Variants in PRKCH observed in about 807,000 individuals in gnomAD.
PRKCH encodes protein kinase C eta.
A neutral mutation model predicts 82.5 loss-of-function variants in PRKCH; 28 were observed. The ratio of observed to expected loss-of-function variants is 0.34; its 90% CI spans 0.25 to 0.47. The LOEUF (loss-of-function observed/expected upper bound fraction) is 0.47. Ranked by LOEUF, PRKCH falls within the 20% of genes least tolerant of loss-of-function variation. The pLI, the probability that PRKCH is intolerant of heterozygous loss-of-function variation, is 1.00. For synonymous variants in PRKCH, 322 were observed against 327.4 expected (o/e 0.98, Z 0.18); for missense variants, 705 against 881.8 (o/e 0.80, Z 2.54).
intron 2 of PRKCH, among the ~76,000 whole-genome samples, chr14:61,402,534 C>T (rs1350214205): frequency 2.6e-5 from 4 of 152,162 alleles, no homozygotes; most frequent in South Asian, 2.1e-4. Context: ...CAGTGGCTCA[C>T]GCCTGTAATC....
chr14:61,296,667 T>A (rs895395067), intron 1 of PRKCH, among the ~76,000 whole-genome samples: 1 of 152,188 alleles, frequency 6.6e-6, no homozygotes, highest in Non-Finnish European at 1.5e-5. Context: ...CTTGTAGACA[T>A]CAAGATAATA....
intron 12 of PRKCH, among the ~76,000 whole-genome samples, chr14:61,540,958 C>G (rs182771725): frequency 2.3e-4 from 35 of 152,356 alleles, no homozygotes; most frequent in African/African-American, 8.2e-4. Context: ...TGTTGTCTGT[C>G]CTTTCCACCC....
intron 2 of PRKCH, among the ~76,000 whole-genome samples, chr14:61,392,844 G>T (rs1235005640): frequency 7.5e-4 from 102 of 135,960 alleles, no homozygotes; most frequent in Middle Eastern, 4.0e-3. Context: ...TTCTTTTTTT[G>T]TTTTTTTTTT....
intron 1 of PRKCH, among the ~76,000 whole-genome samples, chr14:61,389,502 A>G (rs1051725164): frequency 6.6e-6 from 1 of 152,116 alleles, no homozygotes; most frequent in African/African-American, 2.4e-5. Context: ...ACTGGGCAAC[A>G]TAGTGAGACC....
At chr14:61,497,460 A>C (rs1240150397) in intron 10 of PRKCH, among the ~76,000 whole-genome samples, 2 of 152,324 alleles carry the variant, frequency 1.3e-5, no homozygotes, top group African/African-American at 4.8e-5. Context: ...TGGGAAAAGC[A>C]TCAAACACAT....
At chr14:61,428,786 A>G (rs573195327) in intron 2 of PRKCH, among the ~76,000 whole-genome samples, 1 of 152,340 alleles carries the variant, frequency 6.6e-6, no homozygotes, top group African/African-American at 2.4e-5. Flanking sequence ...CAATCACGGA[A>G]AGTATTCCCC....
At chr14:61,192,107 A>G in intron 1 of PRKCH, among the ~76,000 whole-genome samples, 1 of 152,032 alleles carries the variant, frequency 6.6e-6, no homozygotes, top group East Asian at 1.9e-4. Flanking sequence ...GTTAGGTGTT[A>G]CTCTGATGTG....
chr14:61,212,388 A>C (rs1273958924), intron 1 of PRKCH, among the ~76,000 whole-genome samples: 4 of 152,214 alleles, frequency 2.6e-5, no homozygotes, highest in Non-Finnish European at 5.9e-5. Context: ...TTGTCACTCT[A>C]AAAAACCTAC....
At chr14:61,193,817 G>T (rs145042168) in intron 1 of PRKCH, among the ~76,000 whole-genome samples, 57 of 152,320 alleles carry the variant, frequency 3.7e-4, no homozygotes, top group Admixed American at 3.7e-3. Context: ...GGGCCAGAAA[G>T]CTCGCCTGAT....
At chr14:61,451,251 AGGTGTTT>A in intron 6 of PRKCH, among the ~76,000 whole-genome samples, 1 of 152,302 alleles carries the variant, frequency 6.6e-6, no homozygotes, top group South Asian at 2.1e-4. Context: ...GTATTTTAAT[AGGTGTTT>A]GGAAGAGAAA....
chr14:61,444,778 A>G (rs1209057701), intron 3 of PRKCH, among the ~76,000 whole-genome samples: 1 of 152,182 alleles, frequency 6.6e-6, no homozygotes, highest in African/African-American at 2.4e-5. Flanking sequence ...TAGACACAAC[A>G]ATCTTATTTT....
intron 1 of PRKCH, among the ~76,000 whole-genome samples, chr14:61,232,907 A>G (rs2044756012): frequency 6.6e-6 from 1 of 152,216 alleles, no homozygotes; most frequent in South Asian, 2.1e-4. Context: ...TCATTAGCAC[A>G]GAAAAAGACA....
chr14:61,237,632 C>G (rs1254302649), intron 1 of PRKCH, among the ~76,000 whole-genome samples: 2 of 151,902 alleles, frequency 1.3e-5, no homozygotes, highest in African/African-American at 4.9e-5. Flanking sequence ...TAGATAAACT[C>G]TTTCAATCAA....
chr14:61,321,920 G>T lies in PRKCH; in HGVS notation c.-182G>T. ...CCTTTCCACCTCGGGAGGGAGGGAA[G>T]GAGGGGAGGGAAAAGTCCCACGGAG... On this transcript the variant is annotated 5_prime_UTR_variant, in exon 1 of 14. It adds an upstream start codon to the 5' untranslated region. Coordinates refer to ENST00000332981, the MANE Select transcript of PRKCH (RefSeq NM_006255.5). The surrounding 1 kb of genome is among the most constrained non-coding windows in gnomAD (Gnocchi z 4.1). 1.7e-6 allele frequency: 1 copy of T among 589,644 alleles called. No homozygotes were observed. Among genetic ancestry groups the T allele is most frequent in the Non-Finnish European group, 2.9e-6 (1 of 346,928 alleles). The allele number at this position is 589,644 out of a possible 1,614,324, so 36.5% of individuals were successfully genotyped here.
chr14:61,299,673 A>C (rs1032091325), intron 1 of PRKCH: 3 of 152,204 alleles, frequency 2.0e-5, no homozygotes, highest in Admixed American at 2.0e-4. Flanking sequence ...TCCTTGTCTC[A>C]AAACCTTGCA....
At chr14:61,188,492 A>C (rs866226020) in intron 1 of PRKCH, among the ~76,000 whole-genome samples, 1 of 149,944 alleles carries the variant, frequency 6.7e-6, no homozygotes, top group Non-Finnish European at 1.5e-5. Context: ...TGGCTCCGCA[A>C]CCCAACCTCT....
chr14:61,468,858 T>C (rs1361595353), intron 9 of PRKCH, among the ~76,000 whole-genome samples: 1 of 152,210 alleles, frequency 6.6e-6, no homozygotes, highest in African/African-American at 2.4e-5. Flanking sequence ...TGTCTCATGA[T>C]GACTGAAAGC....
chr14:61,533,431 A>G (rs1216670595), intron 12 of PRKCH, among the ~76,000 whole-genome samples: 1 of 151,990 alleles, frequency 6.6e-6, no homozygotes, highest in African/African-American at 2.4e-5. Context: ...GGACTGAGAC[A>G]TTTAAATAGA....
intron 9 of PRKCH, among the ~76,000 whole-genome samples, chr14:61,483,863 A>G (rs190424612): frequency 9.6e-4 from 146 of 152,306 alleles, no homozygotes; most frequent in African/African-American, 3.4e-3. Context: ...CCTGGGCAAT[A>G]TAATGAGACC....
Sources: allele counts gnomAD v4.1 joint callset (sites outside exome capture counted in the v4.1 genomes callset), GRCh38; gene constraint gnomAD v4.1.1; non-coding constraint Gnocchi (gnomAD v3.1); transcripts MANE v1.5; gene names NCBI Gene and HGNC (gene_info 2026-07-23, HGNC 2026-07-21).